USP32: variants seen among roughly 807,000 people sequenced by gnomAD.
The protein encoded by USP32 is ubiquitin specific peptidase 32.
In USP32, 59 loss-of-function variants were observed where a neutral mutation model predicts 204.8. That is an observed-to-expected ratio of 0.29 (90% CI 0.23 to 0.36). The LOEUF is 0.36. Among genes scored for constraint, USP32 ranks in the 10% least tolerant of loss-of-function variants. The pLI, the probability that USP32 is intolerant of heterozygous loss-of-function variation, is 1.00. For synonymous variants in USP32, 517 were observed against 678.4 expected, an observed-to-expected ratio of 0.76 and a Z score of 3.70; for missense variants, 1,160 against 1,946.4, an observed-to-expected ratio of 0.60 and a Z score of 7.60.
intron 1 of USP32, among the ~76,000 whole-genome samples, chr17:60,368,495 A>G (rs1325174423): frequency 6.6e-6 from 1 of 152,090 alleles, no homozygotes; most frequent in Non-Finnish European, 1.5e-5. Context: ...AAACAAAACA[A>G]GACTACTAGT....
intron 29 of USP32, 118 bp from the exon 30 acceptor site, chr17:60,185,769 A>G: frequency 8.2e-7 from 1 of 1,223,594 alleles, no homozygotes; most frequent in Non-Finnish European, 1.1e-6. Context: ...AAGGAAAAAG[A>G]AAATACAACT....
intron 11 of USP32, among the ~76,000 whole-genome samples, chr17:60,243,340 T>G (rs2085927607): frequency 6.6e-6 from 1 of 152,258 alleles, no homozygotes; most frequent in South Asian, 2.1e-4. Flanking sequence ...ACAATCTTGA[T>G]GCCTTTTATT....
At chr17:60,258,769 G>A (rs1305349466) in intron 9 of USP32, among the ~76,000 whole-genome samples, 1 of 152,150 alleles carries the variant, frequency 6.6e-6, no homozygotes, top group Non-Finnish European at 1.5e-5. Context: ...GGTTTTGATT[G>A]AAGATAAATT....
intron 16 of USP32, 110 bp downstream of exon 16, chr17:60,219,560 C>T (rs530788172): frequency 1.7e-6 from 2 of 1,161,132 alleles, no homozygotes; most frequent in Non-Finnish European, 2.4e-6. Context: ...GTAGTTTTCA[C>T]CTTTTTTTTT....
intron 2 of USP32, among the ~76,000 whole-genome samples, chr17:60,335,223 T>G (rs1484417361): frequency 7.0e-6 from 1 of 142,228 alleles, no homozygotes; most frequent in Non-Finnish European, 1.5e-5. Flanking sequence ...ATCCTTGAGA[T>G]TCCGAAAAGT....
intron 9 of USP32, among the ~76,000 whole-genome samples, chr17:60,255,681 C>G (rs1410495294): frequency 1.3e-5 from 2 of 152,160 alleles, no homozygotes; most frequent in Non-Finnish European, 2.9e-5. Context: ...CAAGTTCGTT[C>G]CTGTATGTTT....
At chr17:60,301,103 T>C (rs1309559242) in intron 3 of USP32, among the ~76,000 whole-genome samples, 1 of 152,242 alleles carries the variant, frequency 6.6e-6, no homozygotes, top group Non-Finnish European at 1.5e-5. Flanking sequence ...CTGGTGGACA[T>C]TAGGGTTGTT....
chr17:60,403,000 G>T (rs1321035527), intron 1 of USP32, among the ~76,000 whole-genome samples: 3 of 151,840 alleles, frequency 2.0e-5, no homozygotes, highest in African/African-American at 7.3e-5. Context: ...TGGTGTAGTG[G>T]GCGGGTAAGC....
At chr17:60,321,830 TA>T (rs747515702) in intron 2 of USP32, among the ~76,000 whole-genome samples, 1 of 151,922 alleles carries the variant, frequency 6.6e-6, no homozygotes, top group Non-Finnish European at 1.5e-5. Flanking sequence ...TCAACTCTAT[TA>T]ATCATTAACA....
At position 60,386,832 on chromosome 17, in the gene USP32, C is replaced by T. The variant is rs1266104794; in HGVS notation, c.58+5050G>A. On this transcript the variant is annotated intron_variant, in intron 1 of 33. Coordinates refer to ENST00000300896, the MANE Select transcript of USP32 (RefSeq NM_032582.4). ...TCTTGTCAGAGACACACCAAACCTA[C>T]GAACTAAAGATTAGTGAGGTGAAAA... 1.4e-4 allele frequency among the ~76,000 whole-genome samples: 21 copies of T among 152,144 alleles called. 1 individual carries two copies. The highest frequency in any genetic ancestry group is 1.9e-4 in the East Asian group (1 of 5,198).
Position 60,266,031 on chromosome 17 carries a change from T to G in USP32, c.872A>C (p.Asp291Ala), listed in dbSNP as rs759249062. Residue 291 changes from aspartate to alanine, a missense_variant, in exon 8 of 34, where the codon GAC becomes GCC. Around this residue, in one of 8 missense-constraint regions of USP32, gnomAD observed 536 missense variants for 680.9 expected, o/e 0.79. Transcript: ENST00000300896. ...DGVLSRVELR[D>A]MVVALLEVWK... is the part of the protein sequence containing the mutation. ...GACTTCTAAAAGTGCAACCACCATGTCTCTCAGTTCAACCCTGGAGAGAAC... is the reference window on the plus strand; with the variant it reads ...GACTTCTAAAAGTGCAACCACCATGGCTCTCAGTTCAACCCTGGAGAGAAC... 1 of 1,614,086 alleles carries G rather than the reference T, an allele frequency of 6.2e-7. No homozygotes were observed. Among genetic ancestry groups the G allele is most frequent in the Non-Finnish European group, 8.5e-7 (1 of 1,179,972 alleles).
Position 60,402,246 on chromosome 17 carries a change from CTT to C in USP32, c.106+19998_106+19999del, listed in dbSNP as rs761342227. ...CCTCAATATTCCATCCCTCATTTATCTTTTTTTTTTTTTTTTTTTTTTAATAC... is the reference window on the plus strand; with the variant it reads ...CCTCAATATTCCATCCCTCATTTATCTTTTTTTTTTTTTTTTTTTTAATAC... On this transcript the variant is annotated intron_variant, in intron 1 of 3. Transcript: ENST00000588898. Among the ~76,000 whole-genome samples the C allele has an allele frequency of 4.6e-3, 541 of 118,412 alleles. 6 individuals carry two copies. The highest frequency in any genetic ancestry group is 0.016 in the African/African-American group (476 of 29,338). 77.7% of individuals were successfully genotyped at this position (118,412 alleles called of 152,430 possible).
At chr17:60,283,579 G>A (rs79920206) in intron 5 of USP32, among the ~76,000 whole-genome samples, 2,058 of 151,960 alleles carry the variant, frequency 0.014, 19 homozygotes, top group Non-Finnish European at 0.018. Context: ...TATGAAGCTT[G>A]ACAAGGAAAA....
At chr17:60,421,313 A>G (rs1195153634) in intron 1 of USP32, 11 of 946,048 alleles carry the variant, frequency 1.2e-5, no homozygotes, top group Non-Finnish European at 1.3e-5. Context: ...GGACAAGTTA[A>G]AAAGTTTCTG....
At chr17:60,361,644 G>A (rs1336560836) in intron 1 of USP32, among the ~76,000 whole-genome samples, 1 of 152,078 alleles carries the variant, frequency 6.6e-6, no homozygotes, top group Non-Finnish European at 1.5e-5. Context: ...CTATTGCTTA[G>A]TAGTTTCTAC....
At chr17:60,290,714 T>TG (rs550681939) in intron 4 of USP32, among the ~76,000 whole-genome samples, 7 of 149,242 alleles carry the variant, frequency 4.7e-5, no homozygotes, top group African/African-American at 1.7e-4. Context: ...CACAGCTGGG[T>TG]GGGGGGCTGC....
intron 1 of USP32, among the ~76,000 whole-genome samples, chr17:60,413,876 GAAAAAAAAAAAAA>G (rs753405307): frequency 6.3e-5 from 6 of 95,106 alleles, no homozygotes; most frequent in Non-Finnish European, 1.1e-4. Context: ...AAAAAAAAAA[GAAAAAAAAAAAAA>G]AAAAAAGAAT....
chr17:60,261,872 GAT>G (rs1418790938), intron 9 of USP32, among the ~76,000 whole-genome samples: 5 of 152,164 alleles, frequency 3.3e-5, no homozygotes, highest in African/African-American at 1.2e-4. Flanking sequence ...TGACCTCAAA[GAT>G]ATGTTAATAC....
intron 11 of USP32, among the ~76,000 whole-genome samples, chr17:60,236,989 C>T (rs1481443439): frequency 6.6e-6 from 1 of 152,072 alleles, no homozygotes; most frequent in African/African-American, 2.4e-5. Flanking sequence ...ATCCATCCAA[C>T]ACCTAAAGAA....
Sources: allele counts gnomAD v4.1 joint callset (sites outside exome capture counted in the v4.1 genomes callset), GRCh38; gene constraint gnomAD v4.1.1; regional missense constraint gnomAD v4.1.1; transcripts MANE v1.5; gene names NCBI Gene and HGNC (gene_info 2026-07-23, HGNC 2026-07-21).